Variants in MIPOL1 observed in about 807,000 individuals in gnomAD.
MIPOL1 encodes the protein mirror-image polydactyly gene 1 protein.
Under a neutral mutation model 60.9 loss-of-function variants are expected in MIPOL1, and 57 were observed. The observed-to-expected ratio is 0.94, with a 90% confidence interval of 0.76 to 1.17. The LOEUF is 1.17. Among genes scored for constraint, MIPOL1 ranks in the 50% most tolerant of loss-of-function variants. The pLI is 0.00. For synonymous variants in MIPOL1, 179 were observed against 168.8 expected, an observed-to-expected ratio of 1.06 and a Z score of -0.47; for missense variants, 551 against 511.6, an observed-to-expected ratio of 1.08 and a Z score of -0.74.
chr14:37,263,312 C>T (rs1303259048), intron 3 of MIPOL1, among the ~76,000 whole-genome samples: 1 of 152,080 alleles, frequency 6.6e-6, no homozygotes, highest in Non-Finnish European at 1.5e-5. Context: ...ATACAGGATC[C>T]TCAAAGCATA....
At chr14:37,296,517 C>G (rs1471452214) in intron 7 of MIPOL1, among the ~76,000 whole-genome samples, 6 of 152,060 alleles carry the variant, frequency 3.9e-5, no homozygotes, top group Non-Finnish European at 8.8e-5. Context: ...AATCCAGAAG[C>G]TGGTTTTTTG....
rs1341825142 is a variant in MIPOL1 at position 37,550,207 on chromosome 14, ATTTGT to A, written c.*3239_*3243del. 1 of 151,090 alleles carries A rather than the reference ATTTGT, an allele frequency of 6.6e-6. No homozygotes were observed. The highest frequency in any genetic ancestry group is 1.5e-5 in the Non-Finnish European group (1 of 67,606). The allele number at this position is 151,090 out of a possible 1,614,324, so 9.4% of individuals were successfully genotyped here. ...TCTTATCAGGTTGCTTATTTATATA[ATTTGT>A]TTATTTTATTAAAAATCTAGAATAT... On this transcript the variant is annotated 3_prime_UTR_variant, in exon 13 of 13. Coordinates refer to ENST00000684589, the MANE Select transcript of MIPOL1 (RefSeq NM_001388067.1).
At chr14:37,545,607 G>A (rs1594944711) in intron 12 of MIPOL1, 4 of 606,370 alleles carry the variant, frequency 6.6e-6, no homozygotes, top group Non-Finnish European at 1.2e-5. Flanking sequence ...TGTTCTTAAA[G>A]CAAAGTTTTT....
chr14:37,476,895 CTT>C (rs869027204), intron 11 of MIPOL1, among the ~76,000 whole-genome samples: 827 of 87,260 alleles, frequency 9.5e-3, no homozygotes, highest in African/African-American at 0.038. Context: ...CTTGTAATGT[CTT>C]TTTTTTTTTT....
intron 11 of MIPOL1, among the ~76,000 whole-genome samples, chr14:37,477,907 T>A (rs575923091): frequency 2.2e-4 from 34 of 152,258 alleles, no homozygotes; most frequent in Non-Finnish European, 4.1e-4. Flanking sequence ...TTGTTTTCTA[T>A]TGCTTTGCTT....
intron 1 of MIPOL1, among the ~76,000 whole-genome samples, chr14:37,199,851 C>T (rs1964943677): frequency 6.6e-6 from 1 of 152,026 alleles, no homozygotes; most frequent in Non-Finnish European, 1.5e-5. Context: ...TGCGTATATG[C>T]CTACTAGAAA....
chr14:37,209,257 A>G (rs1354683856), intron 1 of MIPOL1, among the ~76,000 whole-genome samples: 1 of 152,208 alleles, frequency 6.6e-6, no homozygotes. Context: ...TTAAAAATCC[A>G]GTGGGACATC....
intron 3 of MIPOL1, among the ~76,000 whole-genome samples, chr14:37,261,081 T>G (rs954540634): frequency 2.6e-4 from 40 of 152,078 alleles, no homozygotes; most frequent in African/African-American, 9.7e-4. Context: ...TGTATTAGTT[T>G]TATAATCTGA....
chr14:37,418,908 TATC>T (rs2093819522), intron 10 of MIPOL1, among the ~76,000 whole-genome samples: 1 of 152,062 alleles, frequency 6.6e-6, no homozygotes, highest in Non-Finnish European at 1.5e-5. Context: ...ATAACTTTAT[TATC>T]CATATAAAAC....
intron 11 of MIPOL1, among the ~76,000 whole-genome samples, chr14:37,462,684 CAAGTTCA>C (rs1285534114): frequency 6.6e-6 from 1 of 152,200 alleles, no homozygotes; most frequent in Admixed American, 6.5e-5. Flanking sequence ...TCATGTCTCT[CAAGTTCA>C]AAGTTCTACA....
chr14:37,199,991 C>A lies in MIPOL1; in HGVS notation c.-199+1887C>A, dbSNP rs1964969357. Among the ~76,000 whole-genome samples, 5 of 152,150 alleles carry A rather than the reference C, an allele frequency of 3.3e-5. No individual in the cohort carries two copies. In the South Asian group the frequency reaches 1.0e-3, roughly 32 times the overall value. ...GTTCCTCCAAATGCTTGCAACATTT[C>A]ACACTGTCTTTTTCATTTTAGCCAT... On this transcript the variant is annotated intron_variant, in intron 1 of 12. Transcript: ENST00000684589.
chr14:37,291,178 C>T (rs1402010091), intron 7 of MIPOL1, among the ~76,000 whole-genome samples: 1 of 152,116 alleles, frequency 6.6e-6, no homozygotes, highest in Non-Finnish European at 1.5e-5. Context: ...CCTCCCTTGG[C>T]CTCCCAAGGT....
In MIPOL1 at chr14:37,449,735, C is replaced by A. The variant is rs571277136; in HGVS notation, c.1031+26786C>A. Among the ~76,000 whole-genome samples the A allele has an allele frequency of 5.9e-5, 9 of 152,234 alleles. No individual in the cohort carries two copies. In the East Asian group the frequency reaches 1.7e-3, roughly 29 times the overall value. ...TTTTGGGCTTCTTTCTTACTTGAGC[C>A]ATGACTTTCTTGTACCGATTTTGTT... On this transcript the variant is annotated intron_variant, in intron 11 of 12. Coordinates refer to ENST00000684589, the MANE Select transcript of MIPOL1 (RefSeq NM_001388067.1).
intron 11 of MIPOL1, among the ~76,000 whole-genome samples, chr14:37,467,594 A>G (rs559437438): frequency 2.0e-5 from 3 of 152,322 alleles, no homozygotes; most frequent in Admixed American, 6.5e-5. Flanking sequence ...TTTCTTCCTT[A>G]TCTATGGGAT....
intron 11 of MIPOL1, among the ~76,000 whole-genome samples, chr14:37,454,245 A>G (rs978354580): frequency 2.0e-5 from 3 of 152,074 alleles, no homozygotes; most frequent in Non-Finnish European, 2.9e-5. Context: ...CCTTACTCCA[A>G]CTGGATTACA....
chr14:37,320,304 T>C (rs2088430236), intron 9 of MIPOL1, among the ~76,000 whole-genome samples: 1 of 152,130 alleles, frequency 6.6e-6, no homozygotes, highest in East Asian at 1.9e-4. Flanking sequence ...TGAGAGTTAA[T>C]ACTTGGTATC....
At chr14:37,251,413 A>G (rs1049327090) in intron 3 of MIPOL1, among the ~76,000 whole-genome samples, 1 of 152,134 alleles carries the variant, frequency 6.6e-6, no homozygotes, top group Non-Finnish European at 1.5e-5. Flanking sequence ...GAATGAATGT[A>G]GTTTGTAAGT....
chr14:37,319,882 A>C (rs2088368416), intron 9 of MIPOL1, among the ~76,000 whole-genome samples: 1 of 152,098 alleles, frequency 6.6e-6, no homozygotes, highest in Admixed American at 6.6e-5. Context: ...TTAAAACTTC[A>C]TATAAAAGGA....
chr14:37,319,994 A>G (rs539583755), intron 9 of MIPOL1, among the ~76,000 whole-genome samples: 1 of 152,072 alleles, frequency 6.6e-6, no homozygotes, highest in South Asian at 2.1e-4. Flanking sequence ...TGTCTTTTTC[A>G]TTGTGGTGTG....
Sources: allele counts gnomAD v4.1 joint callset (sites outside exome capture counted in the v4.1 genomes callset), GRCh38; gene constraint gnomAD v4.1.1; transcripts MANE v1.5; gene names NCBI Gene and HGNC (gene_info 2026-07-23, HGNC 2026-07-21).